The following CTNNA2 variants were observed in gnomAD, a reference collection of about 807,000 sequenced individuals.
The protein encoded by CTNNA2 is catenin alpha 2, also known as catenin alpha-2.
CTNNA2 carries 42 observed loss-of-function variants against 101.0 expected under a neutral mutation model. The observed-to-expected ratio is 0.42, with a 90% CI of 0.32 to 0.54. The LOEUF (loss-of-function observed/expected upper bound fraction) is 0.54, where lower values mean the gene tolerates loss of function less well. Ranked by LOEUF, CTNNA2 falls within the 20% of genes least tolerant of loss-of-function variation. The pLI is 0.14. For missense variants in CTNNA2, 871 were observed against 1,223.1 expected (o/e 0.71, Z 4.29); for synonymous variants, 450 against 456.4 (o/e 0.99, Z 0.18).
chr2:80,161,127 C>T (rs1042883303), intron 7 of CTNNA2, among the ~76,000 whole-genome samples: 1 of 152,044 alleles, frequency 6.6e-6, no homozygotes, highest in Admixed American at 6.6e-5. Context: ...TCACTGAAAC[C>T]TCCCCGCCTC....
chr2:79,274,159 A>G (rs1675152072), intron 2 of CTNNA2, among the ~76,000 whole-genome samples: 1 of 152,038 alleles, frequency 6.6e-6, no homozygotes, highest in Non-Finnish European at 1.5e-5. Flanking sequence ...TATTTCATGT[A>G]ATTTTAGATG....
chr2:79,225,871 T>G (rs1311164254), intron 2 of CTNNA2, among the ~76,000 whole-genome samples: 1 of 152,246 alleles, frequency 6.6e-6, no homozygotes, highest in Non-Finnish European at 1.5e-5. Flanking sequence ...ATATGGAATG[T>G]AACAACACCA....
intron 2 of CTNNA2, among the ~76,000 whole-genome samples, chr2:79,707,856 G>T (rs1434381147): frequency 6.6e-6 from 1 of 152,118 alleles, no homozygotes; most frequent in African/African-American, 2.4e-5. Flanking sequence ...GGGCTCTGGG[G>T]ATAGCTCCTT....
chr2:80,186,248 A>C (rs994501088), intron 7 of CTNNA2, among the ~76,000 whole-genome samples: 1 of 152,230 alleles, frequency 6.6e-6, no homozygotes, highest in African/African-American at 2.4e-5. Flanking sequence ...TATTGATTTT[A>C]CTTTATTTCT....
At chr2:79,744,654 C>A in intron 3 of CTNNA2, 72 bp downstream of exon 3, 4 of 1,359,472 alleles carry the variant, frequency 2.9e-6, no homozygotes, top group Non-Finnish European at 4.0e-6. Context: ...TCTTTAGAAT[C>A]AATGGATATT....
At chr2:80,572,601 A>G (rs1242704402) in intron 12 of CTNNA2, 1 of 152,216 alleles carries the variant, frequency 6.6e-6, no homozygotes, top group African/African-American at 2.4e-5. Context: ...ATATGTACAA[A>G]AATAATTTCA....
At chr2:79,960,744 T>C (rs1035180528) in intron 7 of CTNNA2, among the ~76,000 whole-genome samples, 2 of 152,176 alleles carry the variant, frequency 1.3e-5, no homozygotes, top group Non-Finnish European at 2.9e-5. Context: ...GCCCATTGGA[T>C]CTATAAAATC....
At chr2:79,535,854 G>C (rs72820679) in intron 1 of CTNNA2, among the ~76,000 whole-genome samples, 3,795 of 152,180 alleles carry the variant, frequency 0.025, 59 homozygotes, top group Non-Finnish European at 0.035. Context: ...CACATTGTCA[G>C]CTCTGTTGAA....
At chr2:80,502,607 C>T (rs1687963734) in intron 9 of CTNNA2, among the ~76,000 whole-genome samples, 1 of 152,218 alleles carries the variant, frequency 6.6e-6, no homozygotes, top group Non-Finnish European at 1.5e-5. Flanking sequence ...ACTTTCTCTA[C>T]TGCATTCCCT....
At chr2:80,646,479 A>G (rs1414750140) in intron 18 of CTNNA2, among the ~76,000 whole-genome samples, 1 of 152,050 alleles carries the variant, frequency 6.6e-6, no homozygotes, top group African/African-American at 2.4e-5. Flanking sequence ...TGGCTGATGG[A>G]GAGTCTAGGA....
chr2:80,421,912 A>C (rs1447395889), intron 9 of CTNNA2, among the ~76,000 whole-genome samples: 4 of 151,918 alleles, frequency 2.6e-5, no homozygotes, highest in African/African-American at 9.7e-5. Context: ...CTGTGTCTGT[A>C]ATATGAAAAA....
At chr2:80,087,890 T>C (rs1159283084) in intron 7 of CTNNA2, among the ~76,000 whole-genome samples, 2 of 151,956 alleles carry the variant, frequency 1.3e-5, no homozygotes, top group Admixed American at 6.6e-5. Flanking sequence ...CTCTCCCTAG[T>C]CTCACTTTAT....
intron 7 of CTNNA2, among the ~76,000 whole-genome samples, chr2:80,374,856 G>C (rs2149339212): frequency 6.6e-6 from 1 of 152,106 alleles, no homozygotes; most frequent in African/African-American, 2.4e-5. Flanking sequence ...TTAGGGTTTA[G>C]CACTCCACAA....
At position 79,616,662 on chromosome 2, in the gene CTNNA2, A is replaced by C. The variant is rs189643204; in HGVS notation, c.-5-34890A>C. On this transcript the variant is annotated intron_variant, in intron 1 of 18. Transcript: ENST00000402739. ...TCATCTCATTGCTTCTTGCATCTCA[A>C]CCTTTCCTCTTGGTATACTTTTCTT... 4.2e-3 allele frequency among the ~76,000 whole-genome samples: 636 copies of C among 151,930 alleles called. 4 individuals are homozygous for C. The highest frequency in any genetic ancestry group is 0.014 in the Middle Eastern group (4 of 294).
chr2:80,427,479 C>T (rs1681093815), intron 9 of CTNNA2, among the ~76,000 whole-genome samples: 1 of 152,184 alleles, frequency 6.6e-6, no homozygotes, highest in African/African-American at 2.4e-5. Flanking sequence ...TTTGGGTTCT[C>T]ATCCTCAGCT....
intron 1 of CTNNA2, among the ~76,000 whole-genome samples, chr2:79,546,582 A>C (rs6707264): frequency 0.4 from 60,785 of 151,930 alleles, 13,151 homozygotes; most frequent in East Asian, 0.6. Context: ...AATATATTAA[A>C]AATAGGTACT....
At chr2:79,764,364 C>T (rs17017827) in intron 3 of CTNNA2, among the ~76,000 whole-genome samples, 1 of 152,064 alleles carries the variant, frequency 6.6e-6, no homozygotes, top group Non-Finnish European at 1.5e-5. Flanking sequence ...CAACCTATCA[C>T]TAATGAACTA....
chr2:79,493,487 A>G (rs1671224729), intron 4 of CTNNA2, among the ~76,000 whole-genome samples: 1 of 152,090 alleles, frequency 6.6e-6, no homozygotes, highest in Non-Finnish European at 1.5e-5. Context: ...GTGGTGGCAC[A>G]TGCCTGTAGT....
chr2:80,197,811 ACTTGCTTTTTGTAG>A (rs1706930948), intron 7 of CTNNA2, among the ~76,000 whole-genome samples: 1 of 152,190 alleles, frequency 6.6e-6, no homozygotes, highest in Non-Finnish European at 1.5e-5. Flanking sequence ...TAGTATCCAT[ACTTGCTTTTTGTAG>A]CCTAGAGATG....
Sources: allele counts gnomAD v4.1 joint callset (sites outside exome capture counted in the v4.1 genomes callset), GRCh38; gene constraint gnomAD v4.1.1; transcripts MANE v1.5; gene names NCBI Gene and HGNC (gene_info 2026-07-23, HGNC 2026-07-21).